LTA4H: variants seen among roughly 807,000 people sequenced by gnomAD.
The protein encoded by LTA4H is leukotriene A-4 hydrolase.
Under a neutral mutation model 89.8 loss-of-function variants are expected in LTA4H, and 59 were observed. That is an observed-to-expected ratio of 0.66 (90% CI 0.53 to 0.82). The LOEUF (loss-of-function observed/expected upper bound fraction) is 0.82. Among genes scored for constraint, LTA4H ranks in the 40% least tolerant of loss-of-function variants. The pLI, the probability that LTA4H is intolerant of heterozygous loss-of-function variation, is 0.00. For missense variants in LTA4H, 617 were observed against 727.0 expected, an observed-to-expected ratio of 0.85 and a Z score of 1.74; for synonymous variants, 227 against 253.1, an observed-to-expected ratio of 0.90 and a Z score of 0.98.
intron 16 of LTA4H, among the ~76,000 whole-genome samples, chr12:96,005,208 A>G (rs1259000326): frequency 1.3e-5 from 2 of 151,972 alleles, no homozygotes; most frequent in Admixed American, 1.3e-4. Context: ...CTTTACTGTC[A>G]ACCCCTATAG....
chr12:96,021,046 GATCTTTCCACAAACCTGAAA>G lies in LTA4H; in HGVS notation c.638+19_638+38del. 1 of 1,563,150 alleles carries G rather than the reference GATCTTTCCACAAACCTGAAA, an allele frequency of 6.4e-7. No homozygotes were observed. On this transcript the variant is annotated intron_variant, in intron 6 of 18. Transcript: ENST00000228740. The stretch of plus-strand genomic sequence containing the variant: ...GAGAAGTTCAAGATGCCTAAGTTTT[GATCTTTCCACAAACCTGAAA>G]ATTTTTCCAAAAGCTCACCTGCTTT...
At chr12:96,043,385 A>G (rs1191815195) in exon 1 of LTA4H, 4 of 1,504,042 alleles carry the variant, frequency 2.7e-6, no homozygotes, top group African/African-American at 1.4e-5. Flanking sequence ...TGGGAGACAG[A>G]TTAGAGGAGG....
upstream of LTA4H, among the ~76,000 whole-genome samples, chr12:96,040,461 C>T (rs1373488003): frequency 3.9e-5 from 6 of 152,172 alleles, no homozygotes; most frequent in Admixed American, 3.3e-4. Flanking sequence ...TTAGGCCATA[C>T]CATTAAGTTC....
At chr12:96,009,015 A>C (rs1457719386) in intron 15 of LTA4H, 79 bp downstream of exon 15, 19 of 1,055,202 alleles carry the variant, frequency 1.8e-5, no homozygotes, top group Non-Finnish European at 4.4e-6. Context: ...TTGTGATTTA[A>C]AGTACCCTCC....
At chr12:96,039,583 T>C (rs909785713), upstream of LTA4H, among the ~76,000 whole-genome samples, 1 of 152,230 alleles carries the variant, frequency 6.6e-6, no homozygotes, top group Non-Finnish European at 1.5e-5. Flanking sequence ...TGTAATGTTA[T>C]TTTTCCTTGT....
At chr12:96,021,535 C>A (rs1950452275) in intron 5 of LTA4H, among the ~76,000 whole-genome samples, 1 of 152,002 alleles carries the variant, frequency 6.6e-6, no homozygotes. Flanking sequence ...CTTTATGTTT[C>A]AAAGCACTAT....
chr12:96,013,136 T>C (rs1950327981), intron 14 of LTA4H, 52 bp downstream of exon 14: 2 of 1,345,580 alleles, frequency 1.5e-6, no homozygotes. Context: ...ATTTTGAGGC[T>C]CTCTAGGAGT....
rs1444808988 is a variant in LTA4H, at chr12:96,013,798, T to C, written c.1260A>G (p.Ile420Met). 1.3e-6 allele frequency: 2 copies of C among 1,591,178 alleles called. No homozygotes were observed. The highest frequency in any genetic ancestry group is 3.5e-5 in the Admixed American group (2 of 56,392). ...AYVEKFSYKS[I>M]TTDDWKDFLY... ...GGAAATCCTTCCAGTCATCAGTAGT[T>C]ATGCTCTTATAGGAAAACTTCTCAA... The change falls in exon 13 of 19, where the codon ATA becomes ATG. Residue 420 changes from isoleucine to methionine, a missense_variant. Coordinates refer to ENST00000228740, the MANE Select transcript of LTA4H (RefSeq NM_000895.3).
At chr12:96,036,009 CT>C (rs1950639457), upstream of LTA4H, among the ~76,000 whole-genome samples, 3 of 152,300 alleles carry the variant, frequency 2.0e-5, no homozygotes, top group South Asian at 6.2e-4. Flanking sequence ...AGAAGGCTTT[CT>C]TTCGTGCGGT....
chr12:96,019,306 T>C (rs1212429961), intron 6 of LTA4H, 66 bp from the exon 7 acceptor site: 1 of 1,364,592 alleles, frequency 7.3e-7, no homozygotes, highest in Non-Finnish European at 1.0e-6. Context: ...TTCTAAAAAG[T>C]AGTTAATGTC....
At chr12:96,023,941 T>G (rs1358450576) in intron 4 of LTA4H, among the ~76,000 whole-genome samples, 2 of 152,068 alleles carry the variant, frequency 1.3e-5, no homozygotes, top group East Asian at 1.9e-4. Flanking sequence ...TTTTGGGTTT[T>G]TTTTTTGAGA....
intron 4 of LTA4H, 101 bp downstream of exon 4, chr12:96,024,378 T>C: frequency 1.5e-6 from 1 of 659,320 alleles, no homozygotes; most frequent in East Asian, 2.9e-5. Context: ...TTAAGAAAAA[T>C]AATTCTAGCT....
At chr12:96,030,976 T>C (rs1566017290) in intron 1 of LTA4H, among the ~76,000 whole-genome samples, 1 of 152,236 alleles carries the variant, frequency 6.6e-6, no homozygotes, top group African/African-American at 2.4e-5. Flanking sequence ...TTTGAGTATC[T>C]TGTGTTTATA....
In LTA4H at chr12:96,043,173, G is replaced by A. The variant is rs947512940; in HGVS notation, c.87+116C>T. 4.2e-5 allele frequency: 30 copies of A among 706,734 alleles called. No individual in the cohort carries two copies. The African/African-American group carries it at 5.3e-4, about 12-fold the overall frequency. The allele number at this position is 706,734 out of a possible 1,614,324, so 43.8% of individuals were successfully genotyped here. A position where few individuals can be genotyped will look rare whatever the true frequency, so the allele number is the denominator to read the frequency against. ...CCTAGAAAACTCCCTGACGCAACCTGCAGTAGTTGGCAAAGTGAGAACATG... is the reference window on the plus strand; with the variant it reads ...CCTAGAAAACTCCCTGACGCAACCTACAGTAGTTGGCAAAGTGAGAACATG... On this transcript the variant is annotated intron_variant, in intron 1 of 17. Transcript: ENST00000413268.
intron 1 of LTA4H, among the ~76,000 whole-genome samples, chr12:96,042,844 C>T (rs2136931643): frequency 6.6e-6 from 1 of 152,344 alleles, no homozygotes; most frequent in Non-Finnish European, 1.5e-5. Flanking sequence ...GCCTGACCCT[C>T]ACTTTGGTCC....
chr12:96,039,611 T>C (rs1281236528), upstream of LTA4H, among the ~76,000 whole-genome samples: 1 of 152,092 alleles, frequency 6.6e-6, no homozygotes, highest in African/African-American at 2.4e-5. Context: ...GCAAGAGCTT[T>C]TAGGACAACC....
intron 3 of LTA4H, among the ~76,000 whole-genome samples, chr12:96,027,130 T>G (rs1200032029): frequency 6.6e-6 from 1 of 152,170 alleles, no homozygotes; most frequent in Non-Finnish European, 1.5e-5. Context: ...ATTTATTAAT[T>G]TTTCCTTTCA....
intron 1 of LTA4H, among the ~76,000 whole-genome samples, chr12:96,034,792 C>G (rs1419072389): frequency 6.6e-6 from 1 of 152,140 alleles, no homozygotes; most frequent in Non-Finnish European, 1.5e-5. Context: ...CCCTGCAGAC[C>G]TGTGGATTGA....
chr12:96,002,149 G>A (rs1232425147), intron 18 of LTA4H, among the ~76,000 whole-genome samples: 4 of 152,218 alleles, frequency 2.6e-5, no homozygotes, highest in Middle Eastern at 3.4e-3. Context: ...GAGCCACCGC[G>A]CCCGGCCCAA....
Sources: gnomAD v4.1 joint callset for allele counts (sites outside exome capture counted in the v4.1 genomes callset) on GRCh38, gnomAD v4.1.1 for gene constraint, MANE v1.5 for transcripts, NCBI Gene and HGNC (gene_info 2026-07-23, HGNC 2026-07-21) for gene names.